Variants in ZNF268 observed in about 807,000 individuals in gnomAD.
ZNF268 encodes zinc finger protein 3.
A neutral mutation model predicts 29.3 loss-of-function variants in ZNF268; 20 were observed. The ratio of observed to expected loss-of-function variants is 0.68; its 90% CI spans 0.48 to 0.99. ZNF268 has a LOEUF of 0.99. Among genes scored for constraint, ZNF268 ranks in the 50% least tolerant of loss-of-function variants. The pLI, the probability that ZNF268 is intolerant of heterozygous loss-of-function variation, is 0.00. For synonymous variants in ZNF268, 429 were observed against 376.9 expected (o/e 1.14, Z -1.60); for missense variants, 1,240 against 1,121.6 (o/e 1.11, Z -1.51).
In ZNF268 at chr12:133,203,648, G is replaced by A. The variant is rs762719801; in HGVS notation, c.1962G>A (p.Gln654=). ...ECGKAFTFKS[Q]LIVHKGVHTG... ...GAAAAGCCTTTACGTTCAAATCACA[G>A]CTCATTGTACATAAAGGAGTGCACA... Residue 654 remains glutamine, a synonymous_variant, in exon 6 of 6, where the codon CAG becomes CAA. Coordinates refer to ENST00000536435, the MANE Select transcript of ZNF268 (RefSeq NM_003415.3). The A allele has an allele frequency of 6.4e-7, 1 of 1,556,254 alleles. No homozygotes were observed. Among genetic ancestry groups the A allele is most frequent in the East Asian group, 2.4e-5 (1 of 41,866 alleles).
intron 2 of ZNF268, among the ~76,000 whole-genome samples, chr12:133,183,541 T>C (rs1956229738): frequency 6.7e-6 from 1 of 150,328 alleles, no homozygotes; most frequent in African/African-American, 2.4e-5. Flanking sequence ...CAGAAGAAAT[T>C]AGATTTCATA....
At position 133,202,562 on chromosome 12, in the gene ZNF268, A is replaced by T; in HGVS notation, c.876A>T (p.Leu292=). 1 of 1,610,636 alleles carries T rather than the reference A, an allele frequency of 6.2e-7. No individual in the cohort carries two copies. Among genetic ancestry groups the T allele is most frequent in the South Asian group, 1.1e-5 (1 of 90,644 alleles). ...CCTTCAGCAGCAAGTCATACCTTCT[A>T]GTGCATCAGCAAACTCATGCCGAAG... ...EKAFSSKSYL[L]VHQQTHAEEK... Residue 292 remains leucine, a synonymous_variant, in exon 6 of 6, where the codon CTA becomes CTT. Coordinates refer to ENST00000536435, the MANE Select transcript of ZNF268 (RefSeq NM_003415.3).
intron 5 of ZNF268, 32 bp downstream of exon 5, chr12:133,192,035 A>G: frequency 6.4e-7 from 1 of 1,551,990 alleles, no homozygotes; most frequent in Non-Finnish European, 8.8e-7. Flanking sequence ...TTTCTTCTTT[A>G]TTTAGAATTA....
At chr12:133,188,557 C>A (rs1956382869) in intron 3 of ZNF268, among the ~76,000 whole-genome samples, 1 of 152,084 alleles carries the variant, frequency 6.6e-6, no homozygotes, top group Admixed American at 6.6e-5. Context: ...TTTATATATT[C>A]TCTTATTTCC....
chr12:133,213,661 A>G lies in ZNF268; in HGVS notation c.*9131A>G, dbSNP rs914731300. On this transcript the variant is annotated 3_prime_UTR_variant, in exon 6 of 6. Coordinates refer to ENST00000536435, the MANE Select transcript of ZNF268 (RefSeq NM_003415.3). ...CAGTGAGCCGAGATCATGCTACTGC[A>G]CTCCAGCCCAGGTGACAGAGCAAGA... is the stretch of plus-strand genomic sequence containing the variant. 7.1e-6 allele frequency: 1 copy of G among 141,748 alleles called. No homozygotes were observed. The highest frequency in any genetic ancestry group is 7.5e-5 in the Admixed American group (1 of 13,368). 8.8% of individuals were successfully genotyped at this position (141,748 alleles called of 1,614,324 possible).
At chr12:133,193,564 CA>C (rs1555303088) in intron 5 of ZNF268, 14 of 632,506 alleles carry the variant, frequency 2.2e-5, no homozygotes, top group South Asian at 3.7e-5. Context: ...GAAAGAGGGG[CA>C]AAAAAGGCCT....
At chr12:133,184,420 A>G (rs1403530837) in intron 2 of ZNF268, among the ~76,000 whole-genome samples, 2 of 151,936 alleles carry the variant, frequency 1.3e-5, no homozygotes, top group African/African-American at 4.8e-5. Context: ...CTCTGCTTTC[A>G]AGATGGCACT....
chr12:133,188,504 C>A (rs1956381584), intron 3 of ZNF268, among the ~76,000 whole-genome samples: 1 of 152,066 alleles, frequency 6.6e-6, no homozygotes, highest in Non-Finnish European at 1.5e-5. Context: ...GCCCATGGCC[C>A]TTTTATCATC....
At chr12:133,184,197 C>T (rs1403306988) in intron 2 of ZNF268, among the ~76,000 whole-genome samples, 1 of 151,960 alleles carries the variant, frequency 6.6e-6, no homozygotes, top group Non-Finnish European at 1.5e-5. Flanking sequence ...CCTCTGCCTC[C>T]CGGGTTCAAG....
intron 5 of ZNF268, among the ~76,000 whole-genome samples, chr12:133,199,308 C>T (rs932866519): frequency 6.6e-6 from 1 of 151,968 alleles, no homozygotes; most frequent in African/African-American, 2.4e-5. Flanking sequence ...TGGTTTTTGT[C>T]TTTGGTTTTG....
intron 5 of ZNF268, among the ~76,000 whole-genome samples, chr12:133,194,580 A>G (rs139991160): frequency 1.2e-3 from 182 of 152,302 alleles, no homozygotes; most frequent in Middle Eastern, 3.4e-3. Context: ...CAGACTGATC[A>G]TGTTCAACAG....
Position 133,204,309 on chromosome 12 carries a change from A to G in ZNF268, c.2623A>G (p.Arg875Gly). The G allele has an allele frequency of 6.4e-7, 1 of 1,559,458 alleles. No homozygotes were observed. The highest frequency in any genetic ancestry group is 8.7e-7 in the Non-Finnish European group (1 of 1,155,716). Residue 875 changes from arginine (R) to glycine (G), a missense_variant, in exon 6 of 6, where the codon AGG (arginine) becomes GGG (glycine). By Grantham distance (125) the Arg-to-Gly change is moderately radical. Coordinates refer to ENST00000536435, the MANE Select transcript of ZNF268 (RefSeq NM_003415.3). ...ECSECGKAFI[R>G]NSQLIVHQRT... ...CAGTGAGTGTGGAAAAGCCTTCATT[A>G]GGAATTCTCAACTCATTGTACATCA...
intron 5 of ZNF268, among the ~76,000 whole-genome samples, chr12:133,194,611 C>G (rs1956552285): frequency 6.6e-6 from 1 of 152,146 alleles, no homozygotes. Flanking sequence ...TGTCACATGC[C>G]CCTGTCTGAG....
In ZNF268 at chr12:133,205,873, G is replaced by T. The variant is rs1397671030; in HGVS notation, c.*1343G>T. On this transcript the variant is annotated 3_prime_UTR_variant, in exon 6 of 6. Transcript: ENST00000536435. ...CTTGGCATGAGCACTATGGTCAGCTGAGGCTCAGAACTGTACATTGTTAAT... is the reference window on the plus strand; with the variant it reads ...CTTGGCATGAGCACTATGGTCAGCTTAGGCTCAGAACTGTACATTGTTAAT... 6.6e-6 allele frequency: 1 copy of T among 152,192 alleles called. No individual in the cohort carries two copies. The highest frequency in any genetic ancestry group is 1.5e-5 in the Non-Finnish European group (1 of 68,044). The allele number at this position is 152,192 out of a possible 1,614,324, so 9.4% of individuals were successfully genotyped here.
intron 2 of ZNF268, among the ~76,000 whole-genome samples, chr12:133,185,077 G>A (rs1483572692): frequency 1.3e-5 from 2 of 151,580 alleles, no homozygotes; most frequent in South Asian, 2.1e-4. Context: ...CCAGCTACAC[G>A]GGAGGCTGAG....
At position 133,204,825 on chromosome 12, in the gene ZNF268, TAA is replaced by T. The variant is rs1956859372; in HGVS notation, c.*297_*298del. 3.7e-6 allele frequency: 1 copy of T among 271,478 alleles called. No homozygotes were observed. The highest frequency in any genetic ancestry group is 2.2e-5 in the African/African-American group (1 of 45,516). The allele number at this position is 271,478 out of a possible 1,614,324, so 16.8% of individuals were successfully genotyped here. A position where few individuals can be genotyped will look rare whatever the true frequency, so the allele number is the denominator to read the frequency against. On this transcript the variant is annotated 3_prime_UTR_variant, in exon 6 of 6. Transcript: ENST00000536435. ...AGGTGAGGAACCATGTTAAACGTTG[TAA>T]AGTCATTTTACTAAAATAAGATTCA... is the stretch of plus-strand genomic sequence containing the variant.
intron 5 of ZNF268, among the ~76,000 whole-genome samples, chr12:133,197,258 A>G (rs1256147791): frequency 4.0e-4 from 56 of 140,152 alleles, no homozygotes; most frequent in Admixed American, 3.1e-3. Context: ...TCATTGTTCA[A>G]TTCCCACCTA....
At chr12:133,195,904 G>A (rs1956580405) in intron 5 of ZNF268, among the ~76,000 whole-genome samples, 1 of 151,234 alleles carries the variant, frequency 6.6e-6, no homozygotes, top group Admixed American at 6.6e-5. Flanking sequence ...TTTTAGACAG[G>A]GTTTCACCAT....
In ZNF268 at chr12:133,208,893, C is replaced by G. The variant is rs1956943007; in HGVS notation, c.*4363C>G. The G allele has an allele frequency of 6.6e-6, 1 of 151,686 alleles. No homozygotes were observed. Among genetic ancestry groups the G allele is most frequent in the South Asian group, 2.1e-4 (1 of 4,820 alleles). The allele number at this position is 151,686 out of a possible 1,614,324, so 9.4% of individuals were successfully genotyped here. A position where few individuals can be genotyped will look rare whatever the true frequency, so the allele number is the denominator to read the frequency against. ...GTATTCATGGAGGACCCCCCCGCAA[C>G]CACAGATACTCCCTGTGGATGCTCA... On this transcript the variant is annotated 3_prime_UTR_variant, in exon 6 of 6. Coordinates refer to ENST00000536435, the MANE Select transcript of ZNF268 (RefSeq NM_003415.3).
Sources: allele counts gnomAD v4.1 joint callset (sites outside exome capture counted in the v4.1 genomes callset), GRCh38; gene constraint gnomAD v4.1.1; transcripts MANE v1.5; gene names NCBI Gene and HGNC (gene_info 2026-07-23, HGNC 2026-07-21).